The following MSTO1 variants were observed in gnomAD, a reference collection of about 807,000 sequenced individuals.
MSTO1 encodes misato mitochondrial distribution and morphology regulator 1, also known as protein misato homolog 1.
In MSTO1, 24 loss-of-function variants were observed where a neutral mutation model predicts 55.7. The observed-to-expected ratio is 0.43, with a 90% CI of 0.31 to 0.61. The LOEUF is 0.61. MSTO1 is among the 20% of genes least tolerant of loss of function. The pLI is 0.09. For synonymous variants in MSTO1, 162 were observed against 252.8 expected (o/e 0.64, Z 3.41); for missense variants, 363 against 625.7 (o/e 0.58, Z 4.48).
At chr1:155,579,307 C>G in the MSTO1 span, among the ~76,000 whole-genome samples, 1 of 150,464 alleles carries the variant, frequency 6.6e-6, no homozygotes, top group African/African-American at 2.4e-5. Flanking sequence ...GAGTGAAACT[C>G]CATCTCAAAA....
At chr1:155,609,833 C>T (rs538002559), upstream of MSTO1, 11 of 211,584 alleles carry the variant, frequency 5.2e-5, no homozygotes, top group South Asian at 5.7e-4. Context: ...TTTAGGGGAG[C>T]TTCCGCTTTT....
At chr1:155,573,831 T>TC in the MSTO1 span, among the ~76,000 whole-genome samples, 1 of 98,296 alleles carries the variant, frequency 1.0e-5, no homozygotes, top group East Asian at 3.4e-4. Context: ...AAAGCAAAAC[T>TC]CCATCTCACA....
the MSTO1 span, among the ~76,000 whole-genome samples, chr1:155,567,188 A>G: frequency 6.6e-6 from 1 of 151,166 alleles, no homozygotes; most frequent in African/African-American, 2.4e-5. Flanking sequence ...CAGTGGAGCA[A>G]TCTCAACTCA....
chr1:155,610,018 G>T (rs1034619862), upstream of MSTO1: 103 of 562,712 alleles, frequency 1.8e-4, no homozygotes, highest in South Asian at 2.1e-3. Context: ...AGGAGCAACG[G>T]CGTGGCCCGT....
At chr1:155,595,531 A>T in the MSTO1 span, among the ~76,000 whole-genome samples, 3 of 133,602 alleles carry the variant, frequency 2.2e-5, no homozygotes, top group Admixed American at 8.1e-5. Flanking sequence ...CTCTGTTGTT[A>T]GGCTGGAGTG....
At chr1:155,613,993 G>T in intron 13 of MSTO1, 66 bp from the exon 14 acceptor site, 1 of 1,607,974 alleles carries the variant, frequency 6.2e-7, no homozygotes, top group Non-Finnish European at 8.5e-7. Flanking sequence ...TTCCTTATCA[G>T]TTTGGCAGAG....
chr1:155,575,799 T>TATTTATTC, the MSTO1 span, among the ~76,000 whole-genome samples: 1 of 131,932 alleles, frequency 7.6e-6, no homozygotes, highest in Non-Finnish European at 1.6e-5. Context: ...ATTTTATTTT[T>TATTTATTC]ATTTATTTAT....
At chr1:155,564,463 C>T in the MSTO1 span, among the ~76,000 whole-genome samples, 1 of 152,154 alleles carries the variant, frequency 6.6e-6, no homozygotes, top group Non-Finnish European at 1.5e-5. Flanking sequence ...CATTGCACTC[C>T]AGCCTGGGCA....
the MSTO1 span, chr1:155,590,702 C>A: frequency 6.5e-7 from 1 of 1,539,354 alleles, no homozygotes; most frequent in Non-Finnish European, 8.8e-7. Flanking sequence ...CGTGACCCCC[C>A]GGAGGGGCAA....
At chr1:155,572,896 C>T in the MSTO1 span, among the ~76,000 whole-genome samples, 1 of 152,004 alleles carries the variant, frequency 6.6e-6, no homozygotes, top group African/African-American at 2.4e-5. Context: ...GCGATCCACC[C>T]GCCCTGGCCT....
chr1:155,612,408 TCTTCACCA>T lies in MSTO1; in HGVS notation c.814-9_814-2del. ...GAGCTGCTTAATACAAACTACTCTT[TCTTCACCA>T]GGAGGCCCAGAGAAACATCTATCGT... is the stretch of plus-strand genomic sequence containing the variant. On this transcript the variant is annotated splice_acceptor_variant and splice_polypyrimidine_tract_variant and intron_variant, in intron 8 of 13. Transcript: ENST00000245564. LOFTEE classifies it high-confidence loss of function. 6.2e-7 allele frequency: 1 copy of T among 1,608,336 alleles called. No homozygotes were observed. Among genetic ancestry groups the T allele is most frequent in the Non-Finnish European group, 8.5e-7 (1 of 1,176,992 alleles).
chr1:155,572,737 G>C, the MSTO1 span, among the ~76,000 whole-genome samples: 4 of 151,678 alleles, frequency 2.6e-5, no homozygotes, highest in Admixed American at 1.3e-4. Context: ...TGCAACCTCC[G>C]CCTCCTGGGT....
chr1:155,600,901 C>G, the MSTO1 span, among the ~76,000 whole-genome samples: 1 of 150,720 alleles, frequency 6.6e-6, no homozygotes, highest in Admixed American at 6.6e-5. Flanking sequence ...TGGTCTCGAT[C>G]TCCTGATCTC....
chr1:155,574,971 A>AT, the MSTO1 span, among the ~76,000 whole-genome samples: 1 of 149,108 alleles, frequency 6.7e-6, no homozygotes, highest in South Asian at 2.1e-4. Context: ...GGTTCAAGCG[A>AT]TTCTCCTGCC....
chr1:155,600,975 CTTTTT>C, the MSTO1 span, among the ~76,000 whole-genome samples: 16 of 119,134 alleles, frequency 1.3e-4, no homozygotes, highest in Admixed American at 1.2e-3. Context: ...TGTGCTAGGC[CTTTTT>C]TTTTTTTTTT....
chr1:155,586,902 C>G, the MSTO1 span, among the ~76,000 whole-genome samples: 2 of 152,190 alleles, frequency 1.3e-5, no homozygotes, highest in African/African-American at 4.8e-5. Flanking sequence ...TGAACACTAT[C>G]ATACCTGTCA....
the MSTO1 span, among the ~76,000 whole-genome samples, chr1:155,566,556 C>G: frequency 6.6e-6 from 1 of 152,014 alleles, no homozygotes; most frequent in Non-Finnish European, 1.5e-5. Flanking sequence ...CCACTGCACT[C>G]CAGCCTGGGC....
chr1:155,594,205 C>G, the MSTO1 span, among the ~76,000 whole-genome samples: 1 of 151,758 alleles, frequency 6.6e-6, no homozygotes, highest in Non-Finnish European at 1.5e-5. Flanking sequence ...AGTTCGACAC[C>G]AGCCTGGCCA....
At chr1:155,604,114 A>G in the MSTO1 span, among the ~76,000 whole-genome samples, 3 of 152,182 alleles carry the variant, frequency 2.0e-5, no homozygotes, top group African/African-American at 7.2e-5. Context: ...TTGTTCTACA[A>G]AGTAGAAAAT....
Sources: allele counts gnomAD v4.1 joint callset (sites outside exome capture counted in the v4.1 genomes callset), GRCh38; gene constraint gnomAD v4.1.1; transcripts MANE v1.5; gene names NCBI Gene and HGNC (gene_info 2026-07-23, HGNC 2026-07-21).